MAPKAP1: variants seen among roughly 807,000 people sequenced by gnomAD.
MAPKAP1 encodes the protein target of rapamycin complex 2 subunit MAPKAP1.
A neutral mutation model predicts 65.7 loss-of-function variants in MAPKAP1; 20 were observed. The observed-to-expected ratio is 0.30, with a 90% CI of 0.21 to 0.44. The LOEUF is 0.44. MAPKAP1 is among the 20% of genes least tolerant of loss of function. The pLI, the probability that MAPKAP1 is intolerant of heterozygous loss-of-function variation, is 1.00. For missense variants in MAPKAP1, 423 were observed against 648.0 expected (o/e 0.65, Z 3.77); for synonymous variants, 222 against 244.3 (o/e 0.91, Z 0.85).
At chr9:125,620,432 CGAA>C (rs1171976159) in intron 4 of MAPKAP1, among the ~76,000 whole-genome samples, 1 of 152,166 alleles carries the variant, frequency 6.6e-6, no homozygotes, top group Non-Finnish European at 1.5e-5. Flanking sequence ...GGAGCAATCC[CGAA>C]GGAGACAATT....
chr9:125,676,628 A>G (rs1834653702), intron 1 of MAPKAP1, among the ~76,000 whole-genome samples: 11 of 152,242 alleles, frequency 7.2e-5, no homozygotes, highest in Admixed American at 6.5e-4. Flanking sequence ...AGTAATGGGG[A>G]AAAAGTATTT....
intron 3 of MAPKAP1, among the ~76,000 whole-genome samples, chr9:125,660,220 G>A (rs1834144169): frequency 6.6e-6 from 1 of 152,034 alleles, no homozygotes; most frequent in East Asian, 1.9e-4. Flanking sequence ...CATCTATAAG[G>A]GGCAAAACTA....
intron 5 of MAPKAP1, among the ~76,000 whole-genome samples, chr9:125,576,773 G>A (rs1003115003): frequency 1.7e-4 from 26 of 152,312 alleles, no homozygotes; most frequent in Non-Finnish European, 3.5e-4. Flanking sequence ...CGCCAGCCTC[G>A]GCCTCCCGAG....
chr9:125,666,862 G>A (rs1834353944), intron 3 of MAPKAP1, among the ~76,000 whole-genome samples: 1 of 152,158 alleles, frequency 6.6e-6, no homozygotes, highest in Non-Finnish European at 1.5e-5. Flanking sequence ...CCAGCCTAAG[G>A]GAGAATCCAA....
At chr9:125,510,962 G>C (rs918553609) in intron 7 of MAPKAP1, among the ~76,000 whole-genome samples, 4 of 152,088 alleles carry the variant, frequency 2.6e-5, no homozygotes, top group Non-Finnish European at 5.9e-5. Flanking sequence ...CAATTGCCTT[G>C]GCCTAAGTCC....
In MAPKAP1 at chr9:125,455,365, GATGTT is replaced by G. The variant is rs537366035; in HGVS notation, c.1346-10772_1346-10768del. 2.7e-4 allele frequency among the ~76,000 whole-genome samples: 41 copies of G among 152,352 alleles called. No individual in the cohort carries two copies. In the East Asian group the frequency reaches 7.9e-3, roughly 29 times the overall value. ...GGACTTGGAACACTATCTGATGGGGGATGTTCCCCTTGCTTCCTTTTTCACCTCTA... is the reference window on the plus strand; with the variant it reads ...GGACTTGGAACACTATCTGATGGGGGCCCCTTGCTTCCTTTTTCACCTCTA... On this transcript the variant is annotated intron_variant, in intron 10 of 11. Coordinates refer to ENST00000265960, the MANE Select transcript of MAPKAP1 (RefSeq NM_001006617.3).
chr9:125,517,593 G>A (rs1043813825), intron 7 of MAPKAP1, among the ~76,000 whole-genome samples: 4 of 152,156 alleles, frequency 2.6e-5, no homozygotes, highest in African/African-American at 7.2e-5. Context: ...TTTATGTATT[G>A]CCATCATTTC....
chr9:125,459,670 T>A (rs1169199472), intron 10 of MAPKAP1, among the ~76,000 whole-genome samples: 2 of 152,158 alleles, frequency 1.3e-5, no homozygotes, highest in Admixed American at 1.3e-4. Context: ...CGAAAGCCAG[T>A]CAGGCGTGGC....
intron 7 of MAPKAP1, among the ~76,000 whole-genome samples, chr9:125,524,544 G>A (rs546753534): frequency 4.3e-4 from 66 of 152,264 alleles, no homozygotes; most frequent in African/African-American, 1.3e-3. Flanking sequence ...ACTTACAACC[G>A]AACATGTTGC....
chr9:125,561,044 A>G (rs1830878829), intron 5 of MAPKAP1, among the ~76,000 whole-genome samples: 1 of 152,276 alleles, frequency 6.6e-6, no homozygotes, highest in Admixed American at 6.5e-5. Context: ...CTCACAAGGC[A>G]GTAGAATTCT....
At chr9:125,521,580 G>A in intron 7 of MAPKAP1, 1 of 1,443,892 alleles carries the variant, frequency 6.9e-7, no homozygotes, top group Non-Finnish European at 9.1e-7. Flanking sequence ...GATCCAGGGT[G>A]CTAAATCACA....
chr9:125,441,830 TA>T (rs980437777), intron 11 of MAPKAP1, among the ~76,000 whole-genome samples: 1 of 152,172 alleles, frequency 6.6e-6, no homozygotes, highest in African/African-American at 2.4e-5. Context: ...CCAATTGCTA[TA>T]AAAATCAGAG....
Position 125,484,583 on chromosome 9 carries a change from C to T in MAPKAP1, c.1067G>A (p.Ser356Asn), listed in dbSNP as rs1014736252. Reference protein sequence around the residue: ...AWEFCLVRENSSRADGVFEED... With the variant: ...AWEFCLVRENNSRADGVFEED... The stretch of plus-strand genomic sequence containing the variant: ...CTCAAAAACCCCGTCTGCCCTTGAA[C>T]CTGGGGAGGAAAAGGCAGTTTAACA... The change falls in exon 9 of 12, where the codon AGT becomes AAT. Residue 356 changes from serine to asparagine, a missense_variant and splice_region_variant. This residue lies in a region of MAPKAP1 where 185 missense variants were observed against 268.1 expected (regional missense o/e 0.69). Transcript: ENST00000265960. The T allele has an allele frequency of 6.2e-7, 1 of 1,606,068 alleles. No individual in the cohort carries two copies. Among genetic ancestry groups the T allele is most frequent in the African/African-American group, 1.3e-5 (1 of 74,764 alleles).
chr9:125,645,545 T>G (rs995482462), intron 4 of MAPKAP1, among the ~76,000 whole-genome samples: 2 of 152,184 alleles, frequency 1.3e-5, no homozygotes, highest in East Asian at 1.9e-4. Context: ...AAGACCAGCC[T>G]GGCCAACATG....
chr9:125,539,891 G>C (rs561715150), intron 7 of MAPKAP1, among the ~76,000 whole-genome samples: 10 of 152,190 alleles, frequency 6.6e-5, no homozygotes, highest in African/African-American at 2.4e-4. Flanking sequence ...CTTTAAAAGA[G>C]ACATTTAAAA....
chr9:125,518,103 C>T (rs1829515410), intron 7 of MAPKAP1, among the ~76,000 whole-genome samples: 1 of 152,192 alleles, frequency 6.6e-6, no homozygotes, highest in African/African-American at 2.4e-5. Flanking sequence ...CTTCTTCTAG[C>T]TAATATTCCT....
At chr9:125,522,380 C>G (rs1052838299) in intron 7 of MAPKAP1, among the ~76,000 whole-genome samples, 3 of 152,212 alleles carry the variant, frequency 2.0e-5, no homozygotes, top group Non-Finnish European at 2.9e-5. Context: ...GTTGGTTCAT[C>G]AAACTGTACT....
intron 10 of MAPKAP1, among the ~76,000 whole-genome samples, chr9:125,465,599 G>C (rs1325947808): frequency 6.6e-6 from 1 of 152,152 alleles, no homozygotes. Context: ...TCTAAATTCT[G>C]GCTTCAGTAA....
chr9:125,455,407 GCAAACTTTTC>G (rs2055033871), intron 10 of MAPKAP1, among the ~76,000 whole-genome samples: 1 of 152,166 alleles, frequency 6.6e-6, no homozygotes. Context: ...TCTCAGACAA[GCAAACTTTTC>G]CTATAAAGGG....
Sources: allele counts gnomAD v4.1 joint callset (sites outside exome capture counted in the v4.1 genomes callset), GRCh38; gene constraint gnomAD v4.1.1; regional missense constraint gnomAD v4.1.1; transcripts MANE v1.5; gene names NCBI Gene and HGNC (gene_info 2026-07-23, HGNC 2026-07-21).